FREM2: variants seen among roughly 807,000 people sequenced by gnomAD.
The protein encoded by FREM2 is FRAS1-related extracellular matrix protein 2.
FREM2 carries 119 observed loss-of-function variants against 219.9 expected under a neutral mutation model. The observed-to-expected ratio is 0.54, with a 90% CI of 0.47 to 0.63. FREM2 has a LOEUF of 0.63. Among genes scored for constraint, FREM2 ranks in the 30% least tolerant of loss-of-function variants. The pLI, the probability that FREM2 is intolerant of heterozygous loss-of-function variation, is 0.00. For synonymous variants in FREM2, 1,562 were observed against 1,522.8 expected (o/e 1.03, Z -0.60); for missense variants, 4,030 against 3,993.6 (o/e 1.01, Z -0.25).
In FREM2 at chr13:38,882,237, A is replaced by G. The variant is rs565624247; in HGVS notation, c.*1450A>G. On this transcript the variant is annotated 3_prime_UTR_variant, in exon 24 of 24. Transcript: ENST00000280481. ...TCCAAAAGCTAGTAAACATGTTTCA[A>G]AGAAAAATAAGGTCAGGAGAAAAAG... 3.3e-5 allele frequency: 5 copies of G among 152,298 alleles called. No individual in the cohort carries two copies. The South Asian group carries it at 1.0e-3, about 32-fold the overall frequency. The allele number at this position is 152,298 out of a possible 1,614,324, so 9.4% of individuals were successfully genotyped here.
chr13:38,722,957 G>A (rs1015720084), intron 2 of FREM2, among the ~76,000 whole-genome samples: 3 of 152,162 alleles, frequency 2.0e-5, no homozygotes, highest in African/African-American at 7.2e-5. Flanking sequence ...GCAGCCAGGT[G>A]CAGTGGCTCC....
chr13:38,748,821 G>A (rs933307843), intron 2 of FREM2, among the ~76,000 whole-genome samples: 2 of 152,116 alleles, frequency 1.3e-5, no homozygotes, highest in Admixed American at 6.5e-5. Flanking sequence ...ATTGTTCAAC[G>A]GAAAAACATG....
At chr13:38,842,256 GT>G (rs1263576796) in intron 6 of FREM2, among the ~76,000 whole-genome samples, 1 of 152,228 alleles carries the variant, frequency 6.6e-6, no homozygotes, top group African/African-American at 2.4e-5. Context: ...AGTAAGCAAA[GT>G]TGAGAGGCTT....
intron 2 of FREM2, among the ~76,000 whole-genome samples, chr13:38,716,960 T>C (rs746711373): frequency 1.1e-4 from 16 of 152,196 alleles, no homozygotes; most frequent in Non-Finnish European, 2.1e-4. Flanking sequence ...GCTTATACTA[T>C]AAATGCTTGT....
intron 6 of FREM2, among the ~76,000 whole-genome samples, chr13:38,809,424 C>T (rs1875387202): frequency 1.3e-5 from 2 of 151,596 alleles, no homozygotes; most frequent in African/African-American, 4.8e-5. Flanking sequence ...TGGAGAGTTT[C>T]CACAAAATAT....
intron 6 of FREM2, among the ~76,000 whole-genome samples, chr13:38,811,631 T>C (rs193069243): frequency 1.1e-3 from 169 of 152,256 alleles, no homozygotes; most frequent in African/African-American, 3.8e-3. Flanking sequence ...TGTTTTTGAT[T>C]TGTAGTTTTA....
chr13:38,774,799 T>G (rs1234308991), intron 4 of FREM2, among the ~76,000 whole-genome samples: 1 of 152,158 alleles, frequency 6.6e-6, no homozygotes, highest in Non-Finnish European at 1.5e-5. Flanking sequence ...CAACCTCAAA[T>G]ATAGAGGTAT....
At chr13:38,870,105 T>C (rs539147396) in intron 16 of FREM2, among the ~76,000 whole-genome samples, 1 of 152,314 alleles carries the variant, frequency 6.6e-6, no homozygotes, top group South Asian at 2.1e-4. Context: ...TCTTAGTTGC[T>C]TTAGGGAATA....
At chr13:38,874,651 C>T (rs1033266560) in intron 18 of FREM2, 65 bp downstream of exon 18, 53 of 1,275,322 alleles carry the variant, frequency 4.2e-5, no homozygotes, top group Non-Finnish European at 5.0e-5. Context: ...TCCATCTTCA[C>T]ACATTTCAGC....
In FREM2 at chr13:38,859,110, A is replaced by G. The variant is rs141408948; in HGVS notation, c.7216-177A>G. Among the ~76,000 whole-genome samples, 54 of 152,346 alleles carry G rather than the reference A, an allele frequency of 3.5e-4. No homozygotes were observed. The East Asian group carries it at 0.01, about 29-fold the overall frequency. On this transcript the variant is annotated intron_variant, in intron 13 of 23. Coordinates refer to ENST00000280481, the MANE Select transcript of FREM2 (RefSeq NM_207361.6). ...AGAAACATCCAATAAGCTGTTTGAA[A>G]TGCAAGATTATGTTTATAAATGTTA...
rs1333161509 is a variant in FREM2 at position 38,880,375 on chromosome 13, A to G, written c.9098A>G (p.Glu3033Gly). ...CGAGGTATTGGCAAAAGAAGTGTGG[A>G]GTACCATTCTCTGGTGAGTCAAGGA... ...ANRGIGKRSVEYHSLVSQGKP... is the reference protein window; with the variant it reads ...ANRGIGKRSVGYHSLVSQGKP... Residue 3033 changes from glutamate (E) to glycine (G), a missense_variant, in exon 24 of 24, where the codon GAG (glutamate) becomes GGG (glycine). By Grantham distance (98) the Glu-to-Gly change is moderately conservative (BLOSUM62 -2). Around this residue, in one of 2 missense-constraint regions of FREM2, gnomAD observed 928 missense variants for 1,042.9 expected, o/e 0.89. Transcript: ENST00000280481. 1 of 1,614,046 alleles carries G rather than the reference A, an allele frequency of 6.2e-7. No homozygotes were observed. Among genetic ancestry groups the G allele is most frequent in the East Asian group, 2.2e-5 (1 of 44,892 alleles).
At chr13:38,858,630 A>G (rs370883372) in intron 13 of FREM2, among the ~76,000 whole-genome samples, 2 of 152,292 alleles carry the variant, frequency 1.3e-5, no homozygotes, top group East Asian at 3.9e-4. Flanking sequence ...TGACTTACTT[A>G]TGTTTATATT....
At chr13:38,744,827 T>C (rs999268991) in intron 2 of FREM2, among the ~76,000 whole-genome samples, 14 of 152,200 alleles carry the variant, frequency 9.2e-5, no homozygotes, top group Non-Finnish European at 1.8e-4. Context: ...GCCAACACTT[T>C]AATGAAAAAG....
At chr13:38,799,876 C>T (rs535059823) in intron 6 of FREM2, among the ~76,000 whole-genome samples, 2 of 152,082 alleles carry the variant, frequency 1.3e-5, no homozygotes, top group South Asian at 4.1e-4. Flanking sequence ...AGGTAAAGTG[C>T]ATTTCTTATA....
intron 14 of FREM2, among the ~76,000 whole-genome samples, chr13:38,860,012 T>C: frequency 1.3e-5 from 2 of 152,126 alleles, no homozygotes; most frequent in Middle Eastern, 6.8e-3. Flanking sequence ...AAAACAAGCA[T>C]GAGCAACAAC....
At chr13:38,828,232 G>A (rs901362994) in intron 6 of FREM2, among the ~76,000 whole-genome samples, 4 of 152,098 alleles carry the variant, frequency 2.6e-5, no homozygotes, top group Non-Finnish European at 5.9e-5. Flanking sequence ...TCTGTAAAAT[G>A]AGGATGATAA....
chr13:38,879,256 C>T (rs539759235), intron 23 of FREM2, among the ~76,000 whole-genome samples: 7 of 152,282 alleles, frequency 4.6e-5, no homozygotes, highest in East Asian at 1.9e-4. Context: ...TATTTTAAGA[C>T]TATGTGTAAT....
intron 6 of FREM2, among the ~76,000 whole-genome samples, chr13:38,811,524 T>A (rs1875474649): frequency 6.6e-6 from 1 of 152,092 alleles, no homozygotes; most frequent in African/African-American, 2.4e-5. Flanking sequence ...TTTCAAAAAA[T>A]TTTTCAGTTT....
rs538530450 is a variant in FREM2, at chr13:38,741,588, A to G, written c.5264-22716A>G. On this transcript the variant is annotated intron_variant, in intron 2 of 23. Coordinates refer to ENST00000280481, the MANE Select transcript of FREM2 (RefSeq NM_207361.6). Reference sequence around the variant, plus strand: ...AGGAGCGAATTAAGGTGGTAGAGACACTTAGTTTTAGCTTTTTTTGGACAC... The same window carrying G: ...AGGAGCGAATTAAGGTGGTAGAGACGCTTAGTTTTAGCTTTTTTTGGACAC... Among the ~76,000 whole-genome samples, 499 of 152,292 alleles carry G rather than the reference A, an allele frequency of 3.3e-3. 3 individuals carry two copies. The highest frequency in any genetic ancestry group is 0.011 in the African/African-American group (475 of 41,578).
Sources: gnomAD v4.1 joint callset for allele counts (sites outside exome capture counted in the v4.1 genomes callset) on GRCh38, gnomAD v4.1.1 for gene constraint, gnomAD v4.1.1 regional missense constraint, MANE v1.5 for transcripts, NCBI Gene and HGNC (gene_info 2026-07-23, HGNC 2026-07-21) for gene names.